Variants in FANCC observed in about 807,000 individuals in gnomAD.
FANCC encodes the protein FA complementation group C, also known as Fanconi anemia group C protein.
In FANCC, 55 loss-of-function variants were observed where a neutral mutation model predicts 71.3. That is an observed-to-expected ratio of 0.77 (90% confidence interval 0.62 to 0.97). The LOEUF is 0.97. Ranked by LOEUF, FANCC falls within the 50% of genes least tolerant of loss-of-function variation. The pLI, the probability that FANCC is intolerant of heterozygous loss-of-function variation, is 0.00. For missense variants in FANCC, 678 were observed against 670.9 expected, an observed-to-expected ratio of 1.01 and a Z score of -0.12; for synonymous variants, 275 against 244.9, an observed-to-expected ratio of 1.12 and a Z score of -1.15.
chr9:95,107,242 G>C lies in FANCC; in HGVS notation c.1357C>G (p.Leu453Val). 6.2e-7 allele frequency: 1 copy of C among 1,614,104 alleles called. No homozygotes were observed. The highest frequency in any genetic ancestry group is 8.5e-7 in the Non-Finnish European group (1 of 1,180,016). ...CTGCTGCTTCTGGACATTGCCAGGA[G>C]GTGGCCCAGCACGGCCTTCACCTGG... is the stretch of plus-strand genomic sequence containing the variant. Reference protein sequence around the residue: ...MVQVKAVLGHLLAMSRSSSLS... With the variant: ...MVQVKAVLGHVLAMSRSSSLS... Residue 453 changes from leucine to valine, a missense_variant, in exon 14 of 15, where the codon CTC becomes GTC. Transcript: ENST00000289081.
At chr9:95,115,418 A>G (rs1473363328) in intron 11 of FANCC, among the ~76,000 whole-genome samples, 1 of 152,224 alleles carries the variant, frequency 6.6e-6, no homozygotes, top group African/African-American at 2.4e-5. Flanking sequence ...AAAGCAGCCA[A>G]TAAGGAATTA....
chr9:95,104,070 G>A (rs2071257492), intron 14 of FANCC, among the ~76,000 whole-genome samples: 1 of 152,142 alleles, frequency 6.6e-6, no homozygotes, highest in Non-Finnish European at 1.5e-5. Context: ...CAACCATCTG[G>A]CCACCACCTG....
chr9:95,277,990 CTTA>C (rs1047558540), intron 1 of FANCC, among the ~76,000 whole-genome samples: 1 of 152,148 alleles, frequency 6.6e-6, no homozygotes, highest in Admixed American at 6.5e-5. Context: ...TTTTTTCTCT[CTTA>C]TTCTCATAAC....
intron 9 of FANCC, among the ~76,000 whole-genome samples, chr9:95,125,467 AT>A (rs1825832848): frequency 6.6e-6 from 1 of 152,134 alleles, no homozygotes; most frequent in Non-Finnish European, 1.5e-5. Flanking sequence ...CTGTACAAAT[AT>A]TTTTGTATTG....
intron 4 of FANCC, among the ~76,000 whole-genome samples, chr9:95,177,030 C>T (rs1237354282): frequency 6.6e-6 from 1 of 152,184 alleles, no homozygotes; most frequent in Non-Finnish European, 1.5e-5. Flanking sequence ...AAAATAGCCA[C>T]AAATAGTTCC....
At chr9:95,152,068 A>G (rs1227918470) in intron 6 of FANCC, among the ~76,000 whole-genome samples, 2 of 152,266 alleles carry the variant, frequency 1.3e-5, no homozygotes, top group South Asian at 2.1e-4. Flanking sequence ...AAAAATTGCT[A>G]TTTCTTTGCC....
chr9:95,252,274 CAAAAAAAAAA>C (rs71366284), intron 1 of FANCC, among the ~76,000 whole-genome samples: 20 of 50,162 alleles, frequency 4.0e-4, no homozygotes, highest in Non-Finnish European at 3.9e-4. Context: ...GAGACTGATT[CAAAAAAAAAA>C]AAAAAAAAAA....
chr9:95,159,084 C>T (rs1382213797), intron 6 of FANCC, among the ~76,000 whole-genome samples: 1 of 151,724 alleles, frequency 6.6e-6, no homozygotes, highest in Non-Finnish European at 1.5e-5. Flanking sequence ...GCACAACGTG[C>T]AGGTTTGTTA....
At chr9:95,244,991 C>CAG (rs1765291145) in intron 3 of FANCC, among the ~76,000 whole-genome samples, 1 of 152,124 alleles carries the variant, frequency 6.6e-6, no homozygotes, top group African/African-American at 2.4e-5. Flanking sequence ...CCACAGAGAA[C>CAG]AGTGCCCAGC....
chr9:95,292,586 C>T, intron 1 of FANCC: 6 of 1,462,326 alleles, frequency 4.1e-6, no homozygotes, highest in South Asian at 3.4e-5. Flanking sequence ...GGCCCAACAT[C>T]CTGTGCACCG....
At chr9:95,288,714 T>A (rs1196830889) in intron 1 of FANCC, among the ~76,000 whole-genome samples, 1 of 152,144 alleles carries the variant, frequency 6.6e-6, no homozygotes, top group African/African-American at 2.4e-5. Flanking sequence ...GTGCTTCTAT[T>A]TGATCACACA....
chr9:95,263,228 C>A (rs1176562243), intron 1 of FANCC, among the ~76,000 whole-genome samples: 1 of 152,076 alleles, frequency 6.6e-6, no homozygotes, highest in Non-Finnish European at 1.5e-5. Flanking sequence ...CTCCTCAGGG[C>A]CCCCTCAGAA....
At chr9:95,226,456 C>T (rs901079717) in intron 4 of FANCC, among the ~76,000 whole-genome samples, 1 of 152,198 alleles carries the variant, frequency 6.6e-6, no homozygotes, top group African/African-American at 2.4e-5. Context: ...CAGCGTCTCC[C>T]CGGGCAGCTG....
At chr9:95,281,786 G>C (rs981573564) in intron 1 of FANCC, among the ~76,000 whole-genome samples, 2 of 152,030 alleles carry the variant, frequency 1.3e-5, no homozygotes, top group African/African-American at 4.8e-5. Flanking sequence ...GCTCAAAATG[G>C]GGGAGTGGAG....
intron 10 of FANCC, among the ~76,000 whole-genome samples, chr9:95,119,195 T>C (rs1473565453): frequency 6.6e-6 from 1 of 152,226 alleles, no homozygotes; most frequent in Non-Finnish European, 1.5e-5. Flanking sequence ...TTATGTATCT[T>C]TTTTGAAAGT....
At chr9:95,218,245 G>A (rs1318533666) in intron 4 of FANCC, among the ~76,000 whole-genome samples, 1 of 152,180 alleles carries the variant, frequency 6.6e-6, no homozygotes, top group African/African-American at 2.4e-5. Flanking sequence ...TGGGAGAATC[G>A]CTTGAGACTA....
At chr9:95,102,244 C>T (rs990880619) in intron 14 of FANCC, among the ~76,000 whole-genome samples, 3 of 152,214 alleles carry the variant, frequency 2.0e-5, no homozygotes, top group Non-Finnish European at 4.4e-5. Context: ...CTGCAAAAGG[C>T]TCACACGAAC....
At chr9:95,117,439 G>A (rs760980319) in intron 10 of FANCC, 49 bp from the exon 11 acceptor site, 3 of 1,519,408 alleles carry the variant, frequency 2.0e-6, no homozygotes, top group Middle Eastern at 1.7e-4. Flanking sequence ...AGATTGAAAC[G>A]GGGTCAGGAA....
At chr9:95,213,313 G>A (rs909012057) in intron 4 of FANCC, among the ~76,000 whole-genome samples, 1 of 152,052 alleles carries the variant, frequency 6.6e-6, no homozygotes, top group African/African-American at 2.4e-5. Context: ...AAAGGAAACA[G>A]TAAAAACCAT....
Sources: allele counts gnomAD v4.1 joint callset (sites outside exome capture counted in the v4.1 genomes callset), GRCh38; gene constraint gnomAD v4.1.1; transcripts MANE v1.5; gene names NCBI Gene and HGNC (gene_info 2026-07-23, HGNC 2026-07-21).